The following COG5 variants were observed in gnomAD, a reference collection of about 807,000 sequenced individuals.
COG5 encodes conserved oligomeric Golgi complex subunit 5.
COG5 carries 86 observed loss-of-function variants against 110.4 expected under a neutral mutation model. The observed-to-expected ratio is 0.78, with a 90% CI of 0.65 to 0.93. COG5 has a LOEUF of 0.93. COG5 is among the 40% of genes least tolerant of loss of function. The pLI, the probability that COG5 is intolerant of heterozygous loss-of-function variation, is 0.00. For missense variants in COG5, 1,077 were observed against 987.0 expected (o/e 1.09, Z -1.22); for synonymous variants, 360 against 334.6 (o/e 1.08, Z -0.83).
intron 7 of COG5, among the ~76,000 whole-genome samples, chr7:107,409,978 A>G (rs1021636567): frequency 6.6e-6 from 1 of 152,208 alleles, no homozygotes; most frequent in Non-Finnish European, 1.5e-5. Flanking sequence ...TAAGAATCAT[A>G]AATTTTAGTT....
At chr7:107,430,906 G>A (rs1309840997) in intron 6 of COG5, among the ~76,000 whole-genome samples, 1 of 152,024 alleles carries the variant, frequency 6.6e-6, no homozygotes, top group Non-Finnish European at 1.5e-5. Flanking sequence ...TTTGATTACA[G>A]AAGAAGGCAC....
intron 5 of COG5, among the ~76,000 whole-genome samples, chr7:107,545,693 T>C (rs1267223993): frequency 7.0e-6 from 1 of 142,350 alleles, no homozygotes; most frequent in African/African-American, 2.7e-5. Flanking sequence ...GGCAGAAGAA[T>C]GGCTTGAACC....
At chr7:107,348,619 T>C (rs1218959882) in intron 10 of COG5, among the ~76,000 whole-genome samples, 1 of 152,164 alleles carries the variant, frequency 6.6e-6, no homozygotes, top group African/African-American at 2.4e-5. Context: ...TGATATAATT[T>C]TGAATTTACA....
intron 6 of COG5, among the ~76,000 whole-genome samples, chr7:107,465,873 C>T (rs1479386808): frequency 2.0e-5 from 3 of 152,090 alleles, no homozygotes; most frequent in Non-Finnish European, 2.9e-5. Flanking sequence ...TAACAGAGCA[C>T]TAGATTGTAG....
intron 6 of COG5, among the ~76,000 whole-genome samples, chr7:107,437,532 C>T (rs1451703225): frequency 6.6e-6 from 1 of 152,106 alleles, no homozygotes; most frequent in African/African-American, 2.4e-5. Flanking sequence ...GACAGGTGCT[C>T]TTTCAGATAC....
intron 5 of COG5, among the ~76,000 whole-genome samples, chr7:107,537,672 C>T (rs560473195): frequency 2.7e-5 from 4 of 150,842 alleles, no homozygotes; most frequent in African/African-American, 9.8e-5. Context: ...ACCACCATGG[C>T]ACATGTATAC....
chr7:107,445,921 G>A (rs1388666386), intron 6 of COG5, among the ~76,000 whole-genome samples: 1 of 151,982 alleles, frequency 6.6e-6, no homozygotes, highest in Non-Finnish European at 1.5e-5. Flanking sequence ...ATAAATACAG[G>A]GCCACTGTGT....
intron 11 of COG5, among the ~76,000 whole-genome samples, chr7:107,304,951 T>A (rs1004064390): frequency 5.9e-5 from 9 of 152,196 alleles, no homozygotes; most frequent in African/African-American, 2.2e-4. Context: ...CAAGTTCCTT[T>A]CCATATAGAG....
chr7:107,409,186 C>T (rs562656817), intron 7 of COG5, among the ~76,000 whole-genome samples: 2 of 90,540 alleles, frequency 2.2e-5, no homozygotes, highest in Admixed American at 1.3e-4. Context: ...AGGAAGTAAG[C>T]AGAAATTGTT....
At chr7:107,453,316 T>C (rs890366792) in intron 6 of COG5, among the ~76,000 whole-genome samples, 8 of 152,180 alleles carry the variant, frequency 5.3e-5, no homozygotes, top group Non-Finnish European at 2.9e-5. Flanking sequence ...AGTTTTTAAA[T>C]GTGAGTTTTG....
chr7:107,282,476 C>T (rs1013132639), intron 13 of COG5, among the ~76,000 whole-genome samples: 4 of 152,126 alleles, frequency 2.6e-5, no homozygotes, highest in Non-Finnish European at 4.4e-5. Flanking sequence ...TTTGTAGGTA[C>T]GTTTGCAGCA....
intron 10 of COG5, among the ~76,000 whole-genome samples, chr7:107,353,404 G>A (rs1290335120): frequency 4.8e-5 from 6 of 125,322 alleles, no homozygotes; most frequent in Admixed American, 9.2e-5. Context: ...CAGCCTGGGC[G>A]ACAGAGCGAG....
At chr7:107,337,928 G>T (rs1478415595) in intron 10 of COG5, among the ~76,000 whole-genome samples, 3 of 151,996 alleles carry the variant, frequency 2.0e-5, no homozygotes, top group Non-Finnish European at 2.9e-5. Context: ...CAGAAATTAT[G>T]TATCAATTTT....
intron 11 of COG5, among the ~76,000 whole-genome samples, chr7:107,319,968 T>C (rs1809110228): frequency 6.6e-6 from 1 of 152,062 alleles, no homozygotes; most frequent in Admixed American, 6.5e-5. Context: ...TGAGACTCCA[T>C]TTCAAAAAAC....
At chr7:107,348,202 T>C (rs1274471530) in intron 10 of COG5, among the ~76,000 whole-genome samples, 22 of 151,646 alleles carry the variant, frequency 1.5e-4, no homozygotes, top group Non-Finnish European at 1.5e-5. Context: ...GTCATCTGTA[T>C]ATACTGCTGC....
At chr7:107,337,878 T>C (rs1810840111) in intron 10 of COG5, among the ~76,000 whole-genome samples, 1 of 152,126 alleles carries the variant, frequency 6.6e-6, no homozygotes, top group South Asian at 2.1e-4. Context: ...TTACATTCTA[T>C]GCATGAAAGA....
intron 19 of COG5, among the ~76,000 whole-genome samples, chr7:107,223,687 G>A (rs1226943470): frequency 1.3e-5 from 2 of 152,040 alleles, no homozygotes; most frequent in South Asian, 2.1e-4. Flanking sequence ...ATCCTGTTCC[G>A]GGACCATTCA....
intron 10 of COG5, among the ~76,000 whole-genome samples, chr7:107,339,812 GA>G (rs2129035428): frequency 6.6e-6 from 1 of 151,904 alleles, no homozygotes; most frequent in African/African-American, 2.4e-5. Flanking sequence ...AAAATTCTTT[GA>G]AAAAAATGAA....
At chr7:107,404,983 T>A (rs1348072062) in intron 7 of COG5, among the ~76,000 whole-genome samples, 3 of 149,560 alleles carry the variant, frequency 2.0e-5, no homozygotes, top group Non-Finnish European at 4.5e-5. Context: ...GGAGACTTCC[T>A]AAAAAAAAAT....
Sources: allele counts gnomAD v4.1 joint callset (sites outside exome capture counted in the v4.1 genomes callset), GRCh38; gene constraint gnomAD v4.1.1; transcripts MANE v1.5; gene names NCBI Gene and HGNC (gene_info 2026-07-23, HGNC 2026-07-21).